Variants in TRHDE observed in about 807,000 individuals in gnomAD.
TRHDE encodes thyrotropin releasing hormone degrading enzyme.
TRHDE carries 72 observed loss-of-function variants against 125.7 expected under a neutral mutation model. That is an observed-to-expected ratio of 0.57 (90% CI 0.47 to 0.70). TRHDE has a LOEUF of 0.70. Among genes scored for constraint, TRHDE ranks in the 30% least tolerant of loss-of-function variants. The probability of loss-of-function intolerance (pLI) is 0.00; values close to 1 mark genes in which losing one functional copy is unlikely to be tolerated. For missense variants in TRHDE, 1,110 were observed against 1,327.1 expected (o/e 0.84, Z 2.54); for synonymous variants, 509 against 509.1 (o/e 1.00, Z 0.00).
chr12:72,578,988 T>TA, intron 12 of TRHDE, among the ~76,000 whole-genome samples: 1 of 151,552 alleles, frequency 6.6e-6, no homozygotes, highest in Non-Finnish European at 1.5e-5. Flanking sequence ...TTTAGTGTTT[T>TA]TTTTTTTTTT....
intron 2 of TRHDE, among the ~76,000 whole-genome samples, chr12:72,228,870 GCAT>G: frequency 6.6e-6 from 1 of 152,164 alleles, no homozygotes; most frequent in East Asian, 1.9e-4. Flanking sequence ...CTTTGCTAAG[GCAT>G]CACAAGAGTC....
In TRHDE at chr12:72,096,808, A is replaced by G. The variant is rs141249818; in HGVS notation, n.175-8840A>G. ...TATAGGCGACTACAGAATCTCAAGC[A>G]TTGTCACAAAGACCTAGTCTTCCTC... On this transcript the variant is annotated intron_variant and non_coding_transcript_variant, in intron 1 of 4. Coordinates refer to the TRHDE transcript ENST00000548156. Among the ~76,000 whole-genome samples, 153 of 152,308 alleles carry G rather than the reference A, an allele frequency of 1.0e-3. 4 individuals carry two copies. In the East Asian group the frequency reaches 0.017, roughly 17 times the overall value.
At chr12:72,231,483 T>C (rs775458683) in intron 2 of TRHDE, among the ~76,000 whole-genome samples, 1 of 152,210 alleles carries the variant, frequency 6.6e-6, no homozygotes, top group South Asian at 2.1e-4. Flanking sequence ...TAAATTCCCA[T>C]CAGACTTTGG....
chr12:72,323,440 GGCAGTA>G (rs1476553545), intron 2 of TRHDE, among the ~76,000 whole-genome samples: 7 of 152,056 alleles, frequency 4.6e-5, no homozygotes, highest in Non-Finnish European at 7.4e-5. Flanking sequence ...CTAAGAAAAG[GGCAGTA>G]ACCTACTTGC....
At chr12:72,344,543 C>T (rs1041599463) in intron 2 of TRHDE, among the ~76,000 whole-genome samples, 1 of 152,052 alleles carries the variant, frequency 6.6e-6, no homozygotes, top group Non-Finnish European at 1.5e-5. Flanking sequence ...TGAGTCCTAC[C>T]GTGTGCCATG....
chr12:72,516,873 A>G (rs1337884020), intron 6 of TRHDE, among the ~76,000 whole-genome samples: 1 of 152,008 alleles, frequency 6.6e-6, no homozygotes, highest in African/African-American at 2.4e-5. Context: ...GAATTTTGTC[A>G]AAGGCCTTTT....
chr12:72,586,039 A>G (rs762408817), intron 12 of TRHDE, among the ~76,000 whole-genome samples: 8 of 152,178 alleles, frequency 5.3e-5, no homozygotes, highest in Non-Finnish European at 8.8e-5. Context: ...CTTACTAAAC[A>G]TGCTGATTAG....
At chr12:72,202,684 A>G (rs781295309) in intron 2 of TRHDE, among the ~76,000 whole-genome samples, 1 of 152,194 alleles carries the variant, frequency 6.6e-6, no homozygotes, top group Non-Finnish European at 1.5e-5. Flanking sequence ...TTGACCATTC[A>G]ATACTTGAAA....
chr12:72,471,034 C>A (rs1316833516), intron 4 of TRHDE, among the ~76,000 whole-genome samples: 1 of 151,694 alleles, frequency 6.6e-6, no homozygotes, highest in African/African-American at 2.4e-5. Context: ...CCACACCATG[C>A]CCAGCTAATT....
intron 2 of TRHDE, among the ~76,000 whole-genome samples, chr12:72,131,164 C>A (rs950781128): frequency 6.6e-6 from 1 of 150,482 alleles, no homozygotes; most frequent in African/African-American, 2.5e-5. Context: ...CTCCGCCTCC[C>A]GGGTTCACGC....
intron 12 of TRHDE, among the ~76,000 whole-genome samples, chr12:72,584,820 T>C (rs1451843363): frequency 1.3e-5 from 2 of 152,220 alleles, no homozygotes; most frequent in East Asian, 1.9e-4. Context: ...TTAGGTTAAT[T>C]CCATATTTGG....
chr12:72,648,377 TAGTAC>T (rs1179067970), intron 15 of TRHDE, among the ~76,000 whole-genome samples: 6 of 152,140 alleles, frequency 3.9e-5, no homozygotes, highest in African/African-American at 1.4e-4. Context: ...GTATTAAACA[TAGTAC>T]TGGAAACCTT....
At chr12:72,525,725 A>T (rs1282761144) in intron 6 of TRHDE, among the ~76,000 whole-genome samples, 1 of 151,716 alleles carries the variant, frequency 6.6e-6, no homozygotes, top group Non-Finnish European at 1.5e-5. Flanking sequence ...CCAGTTTGGG[A>T]GCAGCTGTTT....
At chr12:72,412,605 G>T (rs558662598) in intron 3 of TRHDE, among the ~76,000 whole-genome samples, 6 of 152,120 alleles carry the variant, frequency 3.9e-5, no homozygotes, top group Admixed American at 1.3e-4. Context: ...AAGGTATGTG[G>T]ACAACAATGT....
At chr12:72,090,705 T>G (rs1159694115) in intron 1 of TRHDE, among the ~76,000 whole-genome samples, 1 of 152,172 alleles carries the variant, frequency 6.6e-6, no homozygotes, top group Non-Finnish European at 1.5e-5. Context: ...TTTATATTAC[T>G]GACATAATTC....
chr12:72,354,816 C>T (rs1870740274), intron 2 of TRHDE, among the ~76,000 whole-genome samples: 1 of 150,762 alleles, frequency 6.6e-6, no homozygotes, highest in African/African-American at 2.4e-5. Context: ...GGCACTACGC[C>T]AATTGTCTAG....
At chr12:72,364,479 G>A (rs1355668988) in intron 2 of TRHDE, among the ~76,000 whole-genome samples, 1 of 151,952 alleles carries the variant, frequency 6.6e-6, no homozygotes, top group African/African-American at 2.4e-5. Context: ...GAGAATGTAA[G>A]CTTTCCATAG....
chr12:72,488,710 C>G (rs1877523417), intron 5 of TRHDE, among the ~76,000 whole-genome samples: 1 of 151,874 alleles, frequency 6.6e-6, no homozygotes, highest in African/African-American at 2.4e-5. Context: ...ACATTCTTCT[C>G]TAGGACACAT....
intron 3 of TRHDE, among the ~76,000 whole-genome samples, chr12:72,428,637 A>T (rs905129953): frequency 1.3e-5 from 2 of 152,136 alleles, no homozygotes. Flanking sequence ...TTCACATGCT[A>T]TACAACTAAC....
Sources: allele counts gnomAD v4.1 joint callset (sites outside exome capture counted in the v4.1 genomes callset), GRCh38; gene constraint gnomAD v4.1.1; transcripts MANE v1.5; gene names NCBI Gene and HGNC (gene_info 2026-07-23, HGNC 2026-07-21).